THRB: variants seen among roughly 807,000 people sequenced by gnomAD.
THRB encodes nuclear receptor subfamily 1 group A member 2.
Under a neutral mutation model 47.8 loss-of-function variants are expected in THRB, and 12 were observed. That is an observed-to-expected ratio of 0.25 (90% CI 0.16 to 0.41). The LOEUF (loss-of-function observed/expected upper bound fraction) is 0.41, where lower values mean the gene tolerates loss of function less well. Ranked by LOEUF, THRB falls within the 10% of genes least tolerant of loss-of-function variation. The pLI is 1.00. For synonymous variants in THRB, 218 were observed against 212.2 expected, an observed-to-expected ratio of 1.03 and a Z score of -0.24; for missense variants, 348 against 589.2, an observed-to-expected ratio of 0.59 and a Z score of 4.24.
chr3:24,286,182 C>G (rs1016530790), intron 3 of THRB, among the ~76,000 whole-genome samples: 4 of 152,164 alleles, frequency 2.6e-5, no homozygotes, highest in African/African-American at 9.7e-5. Flanking sequence ...CTGTGAGAAA[C>G]AAATGTTTGG....
chr3:24,451,918 C>T (rs2072698042), intron 1 of THRB, among the ~76,000 whole-genome samples: 1 of 152,188 alleles, frequency 6.6e-6, no homozygotes, highest in Admixed American at 6.5e-5. Context: ...TTCTATGTTG[C>T]AACAGATAAA....
intron 4 of THRB, 65 bp downstream of exon 4, chr3:24,228,873 A>G (rs1239989316): frequency 5.6e-6 from 8 of 1,440,514 alleles, no homozygotes; most frequent in Non-Finnish European, 7.7e-6. Context: ...TTAAGAATCT[A>G]TAATTTCACT....
intron 2 of THRB, among the ~76,000 whole-genome samples, chr3:24,308,410 T>C (rs2057513639): frequency 6.6e-6 from 1 of 152,202 alleles, no homozygotes; most frequent in South Asian, 2.1e-4. Context: ...CCAAGCCTTG[T>C]TTGAGGTCCT....
rs36061929 is a variant in THRB at position 24,299,249 on chromosome 3, TAA to T, written c.-188-1880_-188-1879del. Among the ~76,000 whole-genome samples, 698 of 70,164 alleles carry T rather than the reference TAA, an allele frequency of 9.9e-3. 3 individuals carry two copies. Among genetic ancestry groups the T allele is most frequent in the African/African-American group, 0.038 (606 of 16,158 alleles). The allele number at this position is 70,164 out of a possible 152,430, so 46.0% of individuals were successfully genotyped here. ...GGCGACCGAGTGAGACTCAGTCTCA[TAA>T]AAAAAAAAAAAAAAAAAAAAAAGAA... On this transcript the variant is annotated intron_variant, in intron 2 of 10. Transcript: ENST00000646209.
chr3:24,420,104 T>C (rs1002021179), intron 1 of THRB, among the ~76,000 whole-genome samples: 4 of 151,892 alleles, frequency 2.6e-5, no homozygotes, highest in African/African-American at 4.8e-5. Flanking sequence ...AAAAATGACA[T>C]AAATTTATGC....
At chr3:24,442,190 TC>T (rs1185437804) in intron 1 of THRB, among the ~76,000 whole-genome samples, 1 of 152,210 alleles carries the variant, frequency 6.6e-6, no homozygotes, top group Non-Finnish European at 1.5e-5. Context: ...ATACCTTGTA[TC>T]CTCAAGAGCA....
intron 1 of THRB, among the ~76,000 whole-genome samples, chr3:24,434,381 C>T (rs568860600): frequency 2.2e-4 from 34 of 152,258 alleles, no homozygotes; most frequent in African/African-American, 6.5e-4. Context: ...AGTGGCAGAA[C>T]GTTTGACACA....
intron 4 of THRB, among the ~76,000 whole-genome samples, chr3:24,211,606 A>C (rs983932216): frequency 1.3e-5 from 2 of 152,230 alleles, no homozygotes; most frequent in Admixed American, 6.5e-5. Context: ...GCTTGAAAAA[A>C]TAATGAGCAG....
At chr3:24,250,001 T>C (rs1030588009) in intron 3 of THRB, among the ~76,000 whole-genome samples, 1 of 152,224 alleles carries the variant, frequency 6.6e-6, no homozygotes, top group African/African-American at 2.4e-5. Context: ...ACCAACCTAG[T>C]ACCAGAGTAT....
intron 1 of THRB, among the ~76,000 whole-genome samples, chr3:24,359,899 G>A (rs1354600): frequency 0.034 from 5,127 of 152,146 alleles, 168 homozygotes; most frequent in African/African-American, 0.081. Context: ...AAATTTGTCC[G>A]TTTAAAAAAA....
intron 1 of THRB, among the ~76,000 whole-genome samples, chr3:24,443,837 G>A (rs2071790026): frequency 6.6e-6 from 1 of 152,112 alleles, no homozygotes; most frequent in African/African-American, 2.4e-5. Context: ...TACAGAGTAA[G>A]AGACTGAAAT....
At chr3:24,131,595 T>C (rs1054855218) in intron 9 of THRB, among the ~76,000 whole-genome samples, 1 of 152,212 alleles carries the variant, frequency 6.6e-6, no homozygotes, top group African/African-American at 2.4e-5. Context: ...TGTGATGGTA[T>C]TGAAGGCGGG....
intron 1 of THRB, among the ~76,000 whole-genome samples, chr3:24,343,958 T>C (rs1276218267): frequency 6.8e-6 from 1 of 147,410 alleles, no homozygotes; most frequent in Non-Finnish European, 1.5e-5. Flanking sequence ...ATTATTTATA[T>C]ATATATATAT....
At chr3:24,470,326 G>A (rs2125752256) in intron 1 of THRB, among the ~76,000 whole-genome samples, 1 of 152,296 alleles carries the variant, frequency 6.6e-6, no homozygotes, top group African/African-American at 2.4e-5. Context: ...GTCAACAACT[G>A]GAGAGGAGCC....
chr3:24,330,851 C>A (rs2061877174), intron 2 of THRB, among the ~76,000 whole-genome samples: 1 of 152,172 alleles, frequency 6.6e-6, no homozygotes, highest in East Asian at 1.9e-4. Flanking sequence ...ACTTATTTAA[C>A]TGTTGCTGAC....
intron 3 of THRB, among the ~76,000 whole-genome samples, chr3:24,242,993 CA>C (rs781729245): frequency 8.3e-5 from 12 of 144,764 alleles, no homozygotes; most frequent in Non-Finnish European, 1.5e-4. Flanking sequence ...AAAGTCAAAT[CA>C]GGGGGACTAC....
chr3:24,332,501 C>T (rs1365992515), intron 2 of THRB, among the ~76,000 whole-genome samples: 1 of 152,206 alleles, frequency 6.6e-6, no homozygotes, highest in Non-Finnish European at 1.5e-5. Flanking sequence ...TGTTGGTATA[C>T]TTTGATCTAT....
At chr3:24,277,566 T>C (rs939651055) in intron 3 of THRB, among the ~76,000 whole-genome samples, 3 of 152,202 alleles carry the variant, frequency 2.0e-5, no homozygotes, top group Non-Finnish European at 4.4e-5. Flanking sequence ...ATGACTGGTC[T>C]ATATAACTAT....
At chr3:24,229,980 C>T (rs929098098) in intron 3 of THRB, among the ~76,000 whole-genome samples, 14 of 152,144 alleles carry the variant, frequency 9.2e-5, no homozygotes, top group African/African-American at 3.1e-4. Flanking sequence ...ATACTTGTCC[C>T]ACTTATTTCA....
Sources: allele counts gnomAD v4.1 joint callset (sites outside exome capture counted in the v4.1 genomes callset), GRCh38; gene constraint gnomAD v4.1.1; transcripts MANE v1.5; gene names NCBI Gene and HGNC (gene_info 2026-07-23, HGNC 2026-07-21).